TMEM130: variants seen among roughly 807,000 people sequenced by gnomAD.
TMEM130 encodes transmembrane protein 130.
In TMEM130, 37 loss-of-function variants were observed where a neutral mutation model predicts 42.9. That is an observed-to-expected ratio of 0.86 (90% CI 0.66 to 1.13). The LOEUF is 1.13. Ranked by LOEUF, TMEM130 falls within the 50% of genes most tolerant of loss-of-function variation. The pLI is 0.00. For missense variants in TMEM130, 545 were observed against 562.6 expected, an observed-to-expected ratio of 0.97 and a Z score of 0.32; for synonymous variants, 259 against 237.7, an observed-to-expected ratio of 1.09 and a Z score of -0.82.
chr7:98,868,998 G>A (rs756423486), intron 1 of TMEM130, among the ~76,000 whole-genome samples: 2 of 152,140 alleles, frequency 1.3e-5, no homozygotes, highest in Non-Finnish European at 2.9e-5. Context: ...GCTCTTTTAT[G>A]AGGGGGGAGG....
rs1474317949 is a variant in TMEM130 at position 98,869,864 on chromosome 7, C to A, written c.-3G>T. On this transcript the variant is annotated 5_prime_UTR_variant, in exon 1 of 8. Coordinates refer to ENST00000339375, the MANE Select transcript of TMEM130 (RefSeq NM_152913.3). This position sits in a 1 kb window ranked among gnomAD's most constrained non-coding sequence, Gnocchi z 4.7. The stretch of plus-strand genomic sequence containing the variant: ...CGCGACCACACTGCCTGGGCCATTG[C>A]GGGGCCCGGAGCGGGAGAAGCGTGG... 2.9e-6 allele frequency: 4 copies of A among 1,371,852 alleles called. No individual in the cohort carries two copies. In the African/African-American group the frequency reaches 4.5e-5, roughly 15 times the overall value. The allele number at this position is 1,371,852 out of a possible 1,614,324, so 85.0% of individuals were successfully genotyped here. A position where few individuals can be genotyped will look rare whatever the true frequency, so the allele number is the denominator to read the frequency against.
intron 6 of TMEM130, among the ~76,000 whole-genome samples, chr7:98,848,959 C>T (rs1554397817): frequency 6.6e-6 from 1 of 152,166 alleles, no homozygotes; most frequent in African/African-American, 2.4e-5. Context: ...CTAAATTCCT[C>T]ACACCTTGAG....
intron 6 of TMEM130, among the ~76,000 whole-genome samples, chr7:98,850,269 A>ATTTTTTTTTTTTTT (rs1244635646): frequency 1.3e-4 from 4 of 30,156 alleles, no homozygotes; most frequent in East Asian, 8.6e-4. Flanking sequence ...ATATATATAT[A>ATTTTTTTTTTTTTT]TATATTTTTT....
intron 6 of TMEM130, among the ~76,000 whole-genome samples, chr7:98,850,275 T>TATATATA (rs1562904822): frequency 1.9e-5 from 1 of 52,830 alleles, no homozygotes; most frequent in Non-Finnish European, 6.2e-5. Flanking sequence ...ATATATATAT[T>TATATATA]TTTTTTTTTT....
intron 1 of TMEM130, among the ~76,000 whole-genome samples, chr7:98,864,848 C>G (rs534366553): frequency 6.6e-6 from 1 of 152,066 alleles, no homozygotes; most frequent in Non-Finnish European, 1.5e-5. Context: ...TGCAATGAGC[C>G]GACATCGAGC....
rs1794628647 is a variant in TMEM130 at position 98,856,150 on chromosome 7, A to T, written c.585T>A (p.Tyr195Ter). ...AGGTCCCGATGATGGAATAGTTATA[A>T]TAGACCACGGAGTCTTCAGTCACCA... ...TQMVTEDSVVYYNYSIIGTFT... is the reference protein window; with the variant it reads ...TQMVTEDSVV The change falls in exon 4 of 8, where the codon TAT (tyrosine) becomes TAA (stop). Residue 195 changes from tyrosine to a stop codon, truncating the protein, a stop_gained. Transcript: ENST00000339375. LOFTEE classifies it high-confidence loss of function. 1 of 1,613,890 alleles carries T rather than the reference A, an allele frequency of 6.2e-7. No individual in the cohort carries two copies. The highest frequency in any genetic ancestry group is 8.5e-7 in the Non-Finnish European group (1 of 1,180,028).
At chr7:98,857,030 T>A (rs913612801) in intron 3 of TMEM130, among the ~76,000 whole-genome samples, 1 of 152,058 alleles carries the variant, frequency 6.6e-6, no homozygotes, top group Non-Finnish European at 1.5e-5. Context: ...CAAGCAGTCC[T>A]CCCACCTCAG....
At chr7:98,867,625 G>T (rs1794937584) in intron 1 of TMEM130, among the ~76,000 whole-genome samples, 2 of 152,122 alleles carry the variant, frequency 1.3e-5, no homozygotes, top group Admixed American at 1.3e-4. Flanking sequence ...GATCAGGAGG[G>T]CAGCCAGCTG....
chr7:98,851,660 C>T (rs375532014), intron 5 of TMEM130, 37 bp from the exon 6 acceptor site: 3 of 1,553,884 alleles, frequency 1.9e-6, no homozygotes, highest in African/African-American at 2.7e-5. Context: ...AGAAAAGGCT[C>T]AGCAAAGCAT....
chr7:98,864,273 A>G (rs782145248), intron 1 of TMEM130, among the ~76,000 whole-genome samples: 1 of 151,946 alleles, frequency 6.6e-6, no homozygotes, highest in Non-Finnish European at 1.5e-5. Flanking sequence ...TGGCATGATC[A>G]TAGCTCACTG....
At position 98,869,825 on chromosome 7, in the gene TMEM130, G is replaced by A; in HGVS notation, c.37C>T (p.Leu13Phe). 3 of 1,448,746 alleles carry A rather than the reference G, an allele frequency of 2.1e-6. No individual in the cohort carries two copies. The highest frequency in any genetic ancestry group is 2.7e-6 in the Non-Finnish European group (3 of 1,102,096). The allele number at this position is 1,448,746 out of a possible 1,614,324, so 89.7% of individuals were successfully genotyped here. A position where few individuals can be genotyped will look rare whatever the true frequency, so the allele number is the denominator to read the frequency against. The change falls in exon 1 of 8, where the codon CTC becomes TTC. Residue 13 changes from leucine to phenylalanine, a missense_variant. Transcript: ENST00000339375. The surrounding 1 kb of genome is among the most constrained non-coding windows in gnomAD (Gnocchi z 4.7). ...CAGGGCAGGAGGCAGGCAAGCCAGAGGATGCGGCCGAGGCGCGACCACACT... is the reference window on the plus strand; with the variant it reads ...CAGGGCAGGAGGCAGGCAAGCCAGAAGATGCGGCCGAGGCGCGACCACACT... The part of the protein sequence containing the change: ...QAVWSRLGRI[L>F]WLACLLPWAP...
chr7:98,852,618 A>G (rs1283950808), intron 5 of TMEM130, among the ~76,000 whole-genome samples: 1 of 149,586 alleles, frequency 6.7e-6, no homozygotes, highest in African/African-American at 2.5e-5. Flanking sequence ...TTTTTTTGAC[A>G]GAGTCTCACT....
intron 1 of TMEM130, among the ~76,000 whole-genome samples, chr7:98,863,602 G>C (rs946349341): frequency 2.0e-5 from 3 of 151,490 alleles, no homozygotes; most frequent in African/African-American, 7.3e-5. Flanking sequence ...AGTCTTTTCA[G>C]TCTTATTTCC....
At chr7:98,854,277 A>C (rs1794577817) in intron 5 of TMEM130, among the ~76,000 whole-genome samples, 1 of 152,160 alleles carries the variant, frequency 6.6e-6, no homozygotes, top group South Asian at 2.1e-4. Flanking sequence ...GTGAAGGGAG[A>C]GAAGAGAACC....
chr7:98,863,223 C>G lies in TMEM130; in HGVS notation c.263G>C (p.Gly88Ala). The change falls in exon 2 of 8, where the codon GGT becomes GCT. Residue 88 changes from glycine to alanine, a missense_variant. Gly to Ala is a moderately conservative substitution (Grantham distance 60). Coordinates refer to ENST00000339375, the MANE Select transcript of TMEM130 (RefSeq NM_152913.3). ...GACCACACGGATGGTGGAGCTGAGA[C>G]CCTTCTCCATCTTGCCAGTAAGCAC... ...PLVLTGKMEK[G>A]LSSTIRVVGH... The G allele has an allele frequency of 6.2e-7, 1 of 1,614,120 alleles. No homozygotes were observed.
chr7:98,868,159 G>A (rs1554400890), intron 1 of TMEM130, among the ~76,000 whole-genome samples: 1 of 152,246 alleles, frequency 6.6e-6, no homozygotes, highest in East Asian at 1.9e-4. Flanking sequence ...AACCCAGAAG[G>A]TGGAGGTTGC....
intron 5 of TMEM130, among the ~76,000 whole-genome samples, chr7:98,852,475 G>A (rs1794533674): frequency 6.6e-6 from 1 of 152,132 alleles, no homozygotes; most frequent in Non-Finnish European, 1.5e-5. Flanking sequence ...TGCCCAGGGT[G>A]GTCTCCAACT....
chr7:98,861,309 G>C (rs1339525208), intron 2 of TMEM130, among the ~76,000 whole-genome samples: 1 of 151,942 alleles, frequency 6.6e-6, no homozygotes, highest in African/African-American at 2.4e-5. Flanking sequence ...CTGCACTCCA[G>C]CCTGGGTGAC....
rs782556343 is a variant in TMEM130 at position 98,848,700 on chromosome 7, G to A, written c.1007-5C>T. 2 of 1,594,936 alleles carry A rather than the reference G, an allele frequency of 1.3e-6. No homozygotes were observed. Among genetic ancestry groups the A allele is most frequent in the South Asian group, 2.2e-5 (2 of 90,664 alleles). On this transcript the variant is annotated splice_region_variant and splice_polypyrimidine_tract_variant and intron_variant, in intron 6 of 7. Transcript: ENST00000339375. ...CAAAGACAGCCGGCTGGATTCCTGGGAATGAAAGAAGTAACATTACAGGAC... is the reference window on the plus strand; with the variant it reads ...CAAAGACAGCCGGCTGGATTCCTGGAAATGAAAGAAGTAACATTACAGGAC...
Sources: gnomAD v4.1 joint callset for allele counts (sites outside exome capture counted in the v4.1 genomes callset) on GRCh38, gnomAD v4.1.1 for gene constraint, Gnocchi (gnomAD v3.1) non-coding constraint, MANE v1.5 for transcripts, NCBI Gene and HGNC (gene_info 2026-07-23, HGNC 2026-07-21) for gene names.